Variants in TNR observed in about 807,000 individuals in gnomAD.
TNR encodes tenascin-R.
TNR carries 45 observed loss-of-function variants against 150.4 expected under a neutral mutation model. That is an observed-to-expected ratio of 0.30 (90% CI 0.24 to 0.38). TNR has a LOEUF of 0.38. Among genes scored for constraint, TNR ranks in the 10% least tolerant of loss-of-function variants. TNR has a pLI of 1.00. For synonymous variants in TNR, 687 were observed against 678.4 expected (o/e 1.01, Z -0.20); for missense variants, 1,544 against 1,759.1 (o/e 0.88, Z 2.19).
rs114534802 is a variant in TNR, at chr1:175,735,015, A to G, written c.-165+8211T>C. On this transcript the variant is annotated intron_variant, in intron 1 of 22. Coordinates refer to ENST00000367674, the MANE Select transcript of TNR (RefSeq NM_003285.3). Reference sequence around the variant, plus strand: ...TTCATTTATATCTCTATAAATATATACGGCTTTGAATGGGAGGCTTTACAG... The same window carrying G: ...TTCATTTATATCTCTATAAATATATGCGGCTTTGAATGGGAGGCTTTACAG... 3.6e-3 allele frequency among the ~76,000 whole-genome samples: 546 copies of G among 152,328 alleles called. 5 individuals carry two copies. Among genetic ancestry groups the G allele is most frequent in the African/African-American group, 0.013 (520 of 41,574 alleles).
At chr1:175,719,179 G>A (rs1413672946) in intron 1 of TNR, among the ~76,000 whole-genome samples, 8 of 152,214 alleles carry the variant, frequency 5.3e-5, no homozygotes, top group African/African-American at 1.9e-4. Flanking sequence ...CAAAAAGTGA[G>A]GATATGGAGT....
chr1:175,650,145 G>T (rs1489624048), intron 1 of TNR, among the ~76,000 whole-genome samples: 1 of 152,148 alleles, frequency 6.6e-6, no homozygotes, highest in Non-Finnish European at 1.5e-5. Flanking sequence ...GCTGAGGCAG[G>T]TAGATCACTT....
chr1:175,629,926 T>C (rs6685975), intron 1 of TNR, among the ~76,000 whole-genome samples: 43,449 of 152,070 alleles, frequency 0.29, 7,363 homozygotes, highest in East Asian at 0.5. Flanking sequence ...GGCACGGCTC[T>C]TCATTGTACA....
intron 1 of TNR, among the ~76,000 whole-genome samples, chr1:175,552,214 T>C (rs1485101365): frequency 2.6e-5 from 4 of 152,172 alleles, no homozygotes; most frequent in African/African-American, 9.7e-5. Flanking sequence ...AGTACCTTGA[T>C]AATAAGAACA....
rs1370917792 is a variant in TNR, at chr1:175,330,247, A to G, written c.3632-12T>C. ...TATATTGTCCAGCCCTGTGGAGAAGAGCAGAAAATGCACTGAGACTGGCCC... is the reference window on the plus strand; with the variant it reads ...TATATTGTCCAGCCCTGTGGAGAAGGGCAGAAAATGCACTGAGACTGGCCC... On this transcript the variant is annotated splice_polypyrimidine_tract_variant and intron_variant, in intron 20 of 22. Coordinates refer to ENST00000367674, the MANE Select transcript of TNR (RefSeq NM_003285.3). 1 of 1,524,058 alleles carries G rather than the reference A, an allele frequency of 6.6e-7. No homozygotes were observed. Among genetic ancestry groups the G allele is most frequent in the South Asian group, 1.2e-5 (1 of 80,478 alleles). 94.4% of individuals were successfully genotyped at this position (1,524,058 alleles called of 1,614,324 possible). A position where few individuals can be genotyped will look rare whatever the true frequency, so the allele number is the denominator to read the frequency against.
At chr1:175,430,614 G>A (rs561207615) in intron 2 of TNR, among the ~76,000 whole-genome samples, 2 of 152,258 alleles carry the variant, frequency 1.3e-5, no homozygotes, top group South Asian at 2.1e-4. Context: ...AGTTCTTAGC[G>A]GTAGAGCTGA....
chr1:175,605,905 GGTCT>G (rs546818765), intron 1 of TNR, among the ~76,000 whole-genome samples: 1 of 152,260 alleles, frequency 6.6e-6, no homozygotes, highest in African/African-American at 2.4e-5. Flanking sequence ...TCTGCTGTTT[GGTCT>G]GTCTATCTAT....
At chr1:175,382,468 T>G (rs34257437) in intron 8 of TNR, among the ~76,000 whole-genome samples, 8,257 of 152,300 alleles carry the variant, frequency 0.054, 320 homozygotes, top group Middle Eastern at 0.18. Flanking sequence ...GTTGAAATTG[T>G]GAAAGAATTT....
intron 18 of TNR, among the ~76,000 whole-genome samples, chr1:175,342,754 C>T (rs78832599): frequency 2.6e-3 from 403 of 152,366 alleles, no homozygotes; most frequent in African/African-American, 9.3e-3. Flanking sequence ...AGAAGGTCAT[C>T]AGGCTCTGCA....
intron 1 of TNR, among the ~76,000 whole-genome samples, chr1:175,546,935 G>A (rs1384984480): frequency 1.3e-5 from 2 of 152,168 alleles, no homozygotes; most frequent in East Asian, 1.9e-4. Context: ...AGGAACTGGA[G>A]GCCAGTAACA....
chr1:175,448,953 C>T (rs1166617594), intron 2 of TNR, among the ~76,000 whole-genome samples: 1 of 152,216 alleles, frequency 6.6e-6, no homozygotes, highest in Non-Finnish European at 1.5e-5. Flanking sequence ...TTGGTCCTTC[C>T]TTGAGTCAGG....
intron 1 of TNR, among the ~76,000 whole-genome samples, chr1:175,678,446 C>T (rs2101908280): frequency 6.6e-6 from 1 of 152,354 alleles, no homozygotes; most frequent in South Asian, 2.1e-4. Flanking sequence ...CTCCCAGTCA[C>T]ATGGGCCAGT....
intron 1 of TNR, among the ~76,000 whole-genome samples, chr1:175,736,327 C>A (rs1667768054): frequency 6.6e-6 from 1 of 152,094 alleles, no homozygotes; most frequent in Admixed American, 6.5e-5. Flanking sequence ...CGAGACCATC[C>A]TGGCTAACAT....
chr1:175,568,567 T>C (rs79355854), intron 1 of TNR, among the ~76,000 whole-genome samples: 3,662 of 152,296 alleles, frequency 0.024, 88 homozygotes, highest in Non-Finnish European at 0.032. Context: ...TCCCTTTGCA[T>C]GGGTCCTTCT....
intron 2 of TNR, among the ~76,000 whole-genome samples, chr1:175,495,729 C>T (rs2102144078): frequency 6.6e-6 from 1 of 152,300 alleles, no homozygotes; most frequent in Admixed American, 6.5e-5. Context: ...CAATTACATG[C>T]TGTCTAACTG....
intron 1 of TNR, among the ~76,000 whole-genome samples, chr1:175,618,971 G>T (rs753352428): frequency 5.3e-5 from 8 of 152,108 alleles, no homozygotes; most frequent in Non-Finnish European, 8.8e-5. Flanking sequence ...TGTTCATTAG[G>T]GCACAGCTGT....
intron 1 of TNR, among the ~76,000 whole-genome samples, chr1:175,741,065 G>C (rs541073431): frequency 6.6e-6 from 1 of 152,216 alleles, no homozygotes; most frequent in Non-Finnish European, 1.5e-5. Context: ...GCAGCACCTT[G>C]AGACTTCTGG....
In TNR at chr1:175,417,076, A is replaced by AAAGAAAGAAAGAAATC. The variant is rs1491457290; in HGVS notation, c.-63-10300_-63-10299insGATTTCTTTCTTTCTT. On this transcript the variant is annotated intron_variant, in intron 2 of 22. Coordinates refer to ENST00000367674, the MANE Select transcript of TNR (RefSeq NM_003285.3). The stretch of plus-strand genomic sequence containing the variant: ...GAAAGAAAGAAAGAAAGAAAGAAAG[A>AAAGAAAGAAAGAAATC]AATCTAAGAAGTGGTCTCTTCCCTC... 9.5e-4 allele frequency among the ~76,000 whole-genome samples: 108 copies of AAAGAAAGAAAGAAATC among 113,734 alleles called. 1 individual carries two copies. The highest frequency in any genetic ancestry group is 3.8e-3 in the Middle Eastern group (1 of 260). The allele number at this position is 113,734 out of a possible 152,430, so 74.6% of individuals were successfully genotyped here.
At chr1:175,662,347 C>A (rs1183957063) in intron 1 of TNR, among the ~76,000 whole-genome samples, 1 of 152,054 alleles carries the variant, frequency 6.6e-6, no homozygotes. Flanking sequence ...CTGCCTCTTC[C>A]ACAAAGCCCG....
Sources: gnomAD v4.1 joint callset for allele counts (sites outside exome capture counted in the v4.1 genomes callset) on GRCh38, gnomAD v4.1.1 for gene constraint, MANE v1.5 for transcripts, NCBI Gene and HGNC (gene_info 2026-07-23, HGNC 2026-07-21) for gene names.